The following XKR9 variants were observed in gnomAD, a reference collection of about 807,000 sequenced individuals.
XKR9 encodes XK related 9.
XKR9 carries 32 observed loss-of-function variants against 32.0 expected under a neutral mutation model. The ratio of observed to expected loss-of-function variants is 1.00; its 90% CI spans 0.76 to 1.34. The LOEUF (loss-of-function observed/expected upper bound fraction) is 1.34, where lower values mean the gene tolerates loss of function less well. XKR9 is among the 40% of genes most tolerant of loss of function. The pLI is 0.00. For synonymous variants in XKR9, 168 were observed against 143.4 expected (o/e 1.17, Z -1.22); for missense variants, 546 against 429.7 (o/e 1.27, Z -2.39).
At chr8:70,762,650 AT>A (rs1460288328) in intron 2 of XKR9, among the ~76,000 whole-genome samples, 1 of 152,186 alleles carries the variant, frequency 6.6e-6, no homozygotes, top group African/African-American at 2.4e-5. Flanking sequence ...AAGTTATGGT[AT>A]TTTTTGAAAA....
chr8:70,900,953 C>T, the XKR9 span, among the ~76,000 whole-genome samples: 2 of 152,166 alleles, frequency 1.3e-5, no homozygotes, highest in Non-Finnish European at 2.9e-5. Context: ...ATGATGGTTT[C>T]CAGCTTCATC....
At chr8:70,917,373 T>C in the XKR9 span, among the ~76,000 whole-genome samples, 2 of 152,242 alleles carry the variant, frequency 1.3e-5, no homozygotes, top group Admixed American at 6.5e-5. Context: ...TGGTGGAATA[T>C]AAGCCACAGT....
chr8:70,676,028 T>C (rs1818874453), intron 2 of XKR9, among the ~76,000 whole-genome samples: 1 of 152,182 alleles, frequency 6.6e-6, no homozygotes, highest in African/African-American at 2.4e-5. Flanking sequence ...GGGTAATTTA[T>C]AAGAAAATAA....
At chr8:71,012,967 T>A in the XKR9 span, among the ~76,000 whole-genome samples, 1 of 152,232 alleles carries the variant, frequency 6.6e-6, no homozygotes, top group Admixed American at 6.5e-5. Context: ...TATCCCTTCA[T>A]AACACAAGCC....
chr8:71,009,073 G>A, the XKR9 span, among the ~76,000 whole-genome samples: 6 of 152,072 alleles, frequency 3.9e-5, no homozygotes, highest in African/African-American at 1.4e-4. Context: ...TTAGATATTG[G>A]GAGAGAAGGT....
the XKR9 span, among the ~76,000 whole-genome samples, chr8:70,845,066 C>G: frequency 6.6e-6 from 1 of 152,226 alleles, no homozygotes; most frequent in Non-Finnish European, 1.5e-5. Context: ...GCTGCCACCA[C>G]TGGGGTCCAA....
the XKR9 span, among the ~76,000 whole-genome samples, chr8:71,045,778 C>A: frequency 6.6e-6 from 1 of 152,132 alleles, no homozygotes; most frequent in African/African-American, 2.4e-5. Context: ...ACAATTTTGG[C>A]AAGATGCAGC....
At chr8:70,907,056 CTGT>C in the XKR9 span, among the ~76,000 whole-genome samples, 1 of 152,146 alleles carries the variant, frequency 6.6e-6, no homozygotes, top group African/African-American at 2.4e-5. Flanking sequence ...CCAGCAACAA[CTGT>C]TGTTATCTGT....
intron 4 of XKR9, among the ~76,000 whole-genome samples, chr8:70,715,749 T>C (rs1806066575): frequency 6.6e-6 from 1 of 152,130 alleles, no homozygotes; most frequent in Non-Finnish European, 1.5e-5. Flanking sequence ...ATAGAAAAAC[T>C]GAATGGCATG....
intron 4 of XKR9, among the ~76,000 whole-genome samples, chr8:70,732,978 T>A (rs1806722139): frequency 6.6e-6 from 1 of 152,074 alleles, no homozygotes; most frequent in Non-Finnish European, 1.5e-5. Context: ...GTTAGCTTGG[T>A]GTGGTGGCAT....
chr8:70,774,646 A>G (rs1807495745), intron 2 of XKR9, among the ~76,000 whole-genome samples: 1 of 152,082 alleles, frequency 6.6e-6, no homozygotes, highest in Non-Finnish European at 1.5e-5. Flanking sequence ...GTTCCAGCAT[A>G]GTTTGTTGAA....
At chr8:70,967,065 C>CTTTTTTTTTTTTTTTTTTTTTTTT in the XKR9 span, among the ~76,000 whole-genome samples, 12 of 101,274 alleles carry the variant, frequency 1.2e-4, 1 homozygote, top group African/African-American at 2.5e-4. Context: ...GATCTTGACT[C>CTTTTTTTTTTTTTTTTTTTTTTTT]TTTTTTTTTT....
the XKR9 span, among the ~76,000 whole-genome samples, chr8:70,809,193 G>A: frequency 6.6e-6 from 1 of 152,202 alleles, no homozygotes; most frequent in Non-Finnish European, 1.5e-5. Flanking sequence ...AGGATCTGGA[G>A]TGGACCTCCA....
At chr8:70,723,909 G>A (rs926017013) in intron 4 of XKR9, among the ~76,000 whole-genome samples, 4 of 144,442 alleles carry the variant, frequency 2.8e-5, no homozygotes, top group Admixed American at 7.0e-5. Context: ...TTTTTGAGAC[G>A]GAGTGTCGCT....
chr8:70,883,903 G>A, the XKR9 span, among the ~76,000 whole-genome samples: 1 of 152,100 alleles, frequency 6.6e-6, no homozygotes, highest in Non-Finnish European at 1.5e-5. Flanking sequence ...TAAATATCAA[G>A]GAGTGTGATT....
intron 2 of XKR9, among the ~76,000 whole-genome samples, chr8:70,761,238 T>A (rs1162798353): frequency 6.6e-6 from 1 of 152,240 alleles, no homozygotes; most frequent in Non-Finnish European, 1.5e-5. Context: ...AGTAATGGGA[T>A]TGCCTGGTTG....
chr8:70,686,767 C>A (rs1368140767), intron 3 of XKR9, among the ~76,000 whole-genome samples: 8 of 152,024 alleles, frequency 5.3e-5, no homozygotes, highest in Admixed American at 5.2e-4. Context: ...TTTACCTTTA[C>A]TCCTTTAGGT....
chr8:70,744,672 C>T (rs936859199), intron 2 of XKR9, among the ~76,000 whole-genome samples: 3 of 152,206 alleles, frequency 2.0e-5, no homozygotes, highest in Admixed American at 6.5e-5. Flanking sequence ...GTGGTGCGAT[C>T]GTGGCTCACC....
At chr8:70,775,447 A>G (rs964313629) in intron 2 of XKR9, among the ~76,000 whole-genome samples, 2 of 152,118 alleles carry the variant, frequency 1.3e-5, no homozygotes, top group Admixed American at 6.6e-5. Flanking sequence ...TTAGCTGTAG[A>G]TATTTAGTAG....
Sources: gnomAD v4.1 joint callset for allele counts (sites outside exome capture counted in the v4.1 genomes callset) on GRCh38, gnomAD v4.1.1 for gene constraint, MANE v1.5 for transcripts, NCBI Gene and HGNC (gene_info 2026-07-23, HGNC 2026-07-21) for gene names.